The following ZNF385D variants were observed in gnomAD, a reference collection of about 807,000 sequenced individuals.
The protein encoded by ZNF385D is zinc finger protein 385D, also known as zinc finger protein 659.
In ZNF385D, 15 loss-of-function variants were observed where a neutral mutation model predicts 35.8. That is an observed-to-expected ratio of 0.42 (90% CI 0.28 to 0.64). The LOEUF is 0.64. Among genes scored for constraint, ZNF385D ranks in the 30% least tolerant of loss-of-function variants. ZNF385D has a pLI of 0.23. For synonymous variants in ZNF385D, 212 were observed against 186.8 expected (o/e 1.13, Z -1.10); for missense variants, 474 against 494.6 (o/e 0.96, Z 0.39).
At chr3:22,293,392 T>A (rs1277983855) in intron 2 of ZNF385D, among the ~76,000 whole-genome samples, 2 of 152,112 alleles carry the variant, frequency 1.3e-5, no homozygotes, top group Non-Finnish European at 2.9e-5. Flanking sequence ...ATTATACATC[T>A]TCTTTTTAAT....
chr3:22,222,780 T>C (rs932608982), intron 2 of ZNF385D, among the ~76,000 whole-genome samples: 1 of 152,186 alleles, frequency 6.6e-6, no homozygotes, highest in African/African-American at 2.4e-5. Flanking sequence ...TTAGATCACT[T>C]AGAATATTCA....
chr3:21,563,477 T>C (rs949140104), intron 3 of ZNF385D, among the ~76,000 whole-genome samples: 5 of 152,234 alleles, frequency 3.3e-5, no homozygotes, highest in Non-Finnish European at 5.9e-5. Context: ...GTATGAGTTC[T>C]TAAGACGAAA....
chr3:21,721,241 G>T (rs1263066526), intron 1 of ZNF385D, among the ~76,000 whole-genome samples: 1 of 152,118 alleles, frequency 6.6e-6, no homozygotes, highest in African/African-American at 2.4e-5. Context: ...CAAGACTCAG[G>T]AACCAGTCAG....
chr3:21,686,014 G>C (rs2200945), intron 1 of ZNF385D, among the ~76,000 whole-genome samples: 6,408 of 152,218 alleles, frequency 0.042, 182 homozygotes, highest in South Asian at 0.089. Context: ...CAGATGTCCA[G>C]CCTGGCTTTC....
At chr3:21,998,062 T>C (rs977265376) in intron 3 of ZNF385D, among the ~76,000 whole-genome samples, 13 of 152,120 alleles carry the variant, frequency 8.5e-5, no homozygotes, top group African/African-American at 3.1e-4. Context: ...TATATTTGCA[T>C]GCTATATGCC....
At chr3:22,262,935 C>G (rs754426429) in intron 2 of ZNF385D, among the ~76,000 whole-genome samples, 1 of 151,906 alleles carries the variant, frequency 6.6e-6, no homozygotes, top group African/African-American at 2.4e-5. Flanking sequence ...CTATGAGTCA[C>G]GCTGAGTCCT....
intron 3 of ZNF385D, among the ~76,000 whole-genome samples, chr3:21,951,443 G>C (rs749936555): frequency 6.6e-6 from 1 of 151,492 alleles, no homozygotes; most frequent in Non-Finnish European, 1.5e-5. Flanking sequence ...AAGGAGATTT[G>C]GGGCTGAGAC....
At chr3:21,485,037 C>T (rs1704931912) in intron 4 of ZNF385D, among the ~76,000 whole-genome samples, 1 of 152,146 alleles carries the variant, frequency 6.6e-6, no homozygotes. Flanking sequence ...TTCAAAGTCT[C>T]CTAATGCTTG....
intron 3 of ZNF385D, among the ~76,000 whole-genome samples, chr3:22,047,952 G>A (rs1006362450): frequency 6.6e-6 from 1 of 152,164 alleles, no homozygotes; most frequent in African/African-American, 2.4e-5. Flanking sequence ...ACAGATATGA[G>A]GTAATAGCTC....
chr3:21,629,022 C>CAATA (rs759556096), intron 2 of ZNF385D, among the ~76,000 whole-genome samples: 1 of 151,956 alleles, frequency 6.6e-6, no homozygotes, highest in Non-Finnish European at 1.5e-5. Flanking sequence ...CTCTGGCAAC[C>CAATA]AATACTGACC....
rs1211041889 is a variant in ZNF385D at position 21,732,029 on chromosome 3, G to GTTTTTTTTTTTTTTTTTTTTTTTTTTTT, written c.22+18865_22+18866insAAAAAAAAAAAAAAAAAAAAAAAAAAAA. Among the ~76,000 whole-genome samples the GTTTTTTTTTTTTTTTTTTTTTTTTTTTT allele has an allele frequency of 1.2e-3, 26 of 21,218 alleles. 11 individuals are homozygous for GTTTTTTTTTTTTTTTTTTTTTTTTTTTT. Among genetic ancestry groups the GTTTTTTTTTTTTTTTTTTTTTTTTTTTT allele is most frequent in the African/African-American group, 1.5e-3 (7 of 4,574 alleles). The allele number at this position is 21,218 out of a possible 152,430, so 13.9% of individuals were successfully genotyped here. On this transcript the variant is annotated intron_variant, in intron 1 of 7. Coordinates refer to ENST00000281523, the MANE Select transcript of ZNF385D (RefSeq NM_024697.3). ...ATTCAGGGTTTTTTTCTTTTTTCGG[G>GTTTTTTTTTTTTTTTTTTTTTTTTTTTT]GTTTTTTTTTTTTTTTTTTTTTTTT...
At chr3:21,704,871 C>A (rs1402134481) in intron 1 of ZNF385D, among the ~76,000 whole-genome samples, 2 of 152,104 alleles carry the variant, frequency 1.3e-5, no homozygotes, top group Non-Finnish European at 2.9e-5. Context: ...AAAGTAGATA[C>A]TTAATAAGTA....
intron 2 of ZNF385D, among the ~76,000 whole-genome samples, chr3:21,603,611 AAT>A (rs1449524402): frequency 6.6e-6 from 1 of 152,206 alleles, no homozygotes; most frequent in Non-Finnish European, 1.5e-5. Context: ...AGTGCAGAAC[AAT>A]ATGTCTAATA....
intron 1 of ZNF385D, among the ~76,000 whole-genome samples, chr3:21,673,864 TTG>T (rs2066646988): frequency 6.6e-6 from 1 of 152,056 alleles, no homozygotes; most frequent in Admixed American, 6.6e-5. Flanking sequence ...TGCCAACAAA[TTG>T]TGTCAAAATC....
At position 21,967,290 on chromosome 3, in the gene ZNF385D, AT is replaced by A. The variant is rs1199541388; in HGVS notation, c.325+201526del. Among the ~76,000 whole-genome samples the A allele has an allele frequency of 7.2e-5, 11 of 152,052 alleles. No individual in the cohort carries two copies. In the East Asian group the frequency reaches 7.7e-4, roughly 11 times the overall value. Reference sequence around the variant, plus strand: ...TTCTTAAAATTTGATAATTAAGAAAATTTTTTCCCCCAAAATTTACTGTCTT... The same window carrying A: ...TTCTTAAAATTTGATAATTAAGAAAATTTTTCCCCCAAAATTTACTGTCTT... On this transcript the variant is annotated intron_variant, in intron 3 of 5. Transcript: ENST00000494108.
chr3:21,859,387 G>C (rs546362626), intron 3 of ZNF385D, among the ~76,000 whole-genome samples: 2 of 150,682 alleles, frequency 1.3e-5, no homozygotes, highest in Non-Finnish European at 3.0e-5. Flanking sequence ...TAAGTAGTTA[G>C]TTGTCTTTGG....
At chr3:21,516,953 T>C (rs1289283007) in intron 3 of ZNF385D, among the ~76,000 whole-genome samples, 1 of 152,062 alleles carries the variant, frequency 6.6e-6, no homozygotes, top group African/African-American at 2.4e-5. Context: ...ACTGAAATGT[T>C]TTTCCCTTTT....
At chr3:21,803,544 G>C (rs1441268076) in intron 3 of ZNF385D, among the ~76,000 whole-genome samples, 1 of 151,994 alleles carries the variant, frequency 6.6e-6, no homozygotes, top group Non-Finnish European at 1.5e-5. Flanking sequence ...TAATTTTACA[G>C]TGAAAAAATA....
chr3:22,237,194 C>A (rs756220930), intron 2 of ZNF385D, among the ~76,000 whole-genome samples: 1 of 36,318 alleles, frequency 2.8e-5, no homozygotes, highest in African/African-American at 2.1e-4. Context: ...TAGTTAATAT[C>A]CTTTTTTTTT....
Sources: gnomAD v4.1 joint callset for allele counts (sites outside exome capture counted in the v4.1 genomes callset) on GRCh38, gnomAD v4.1.1 for gene constraint, MANE v1.5 for transcripts, NCBI Gene and HGNC (gene_info 2026-07-23, HGNC 2026-07-21) for gene names.